Variants in SLC10A7 observed in about 807,000 individuals in gnomAD.
SLC10A7 encodes sodium/bile acid cotransporter 7.
In SLC10A7, 29 loss-of-function variants were observed where a neutral mutation model predicts 43.2. The observed-to-expected ratio is 0.67, with a 90% confidence interval of 0.50 to 0.92. The LOEUF (loss-of-function observed/expected upper bound fraction) is 0.92. Among genes scored for constraint, SLC10A7 ranks in the 40% least tolerant of loss-of-function variants. The pLI, the probability that SLC10A7 is intolerant of heterozygous loss-of-function variation, is 0.00. For missense variants in SLC10A7, 295 were observed against 403.2 expected, an observed-to-expected ratio of 0.73 and a Z score of 2.30; for synonymous variants, 152 against 144.8, an observed-to-expected ratio of 1.05 and a Z score of -0.35.
At chr4:146,484,526 GA>G (rs1393438459) in intron 4 of SLC10A7, among the ~76,000 whole-genome samples, 1 of 151,986 alleles carries the variant, frequency 6.6e-6, no homozygotes, top group African/African-American at 2.4e-5. Flanking sequence ...GAGAGATAGA[GA>G]AAAAAACAGT....
At chr4:146,512,029 G>A (rs149816153) in intron 2 of SLC10A7, among the ~76,000 whole-genome samples, 3,353 of 134,516 alleles carry the variant, frequency 0.025, 57 homozygotes, top group Middle Eastern at 0.098. Context: ...GCTGGAGTGC[G>A]ATGGTGCGAT....
At chr4:146,268,072 G>A (rs1439951721) in intron 10 of SLC10A7, among the ~76,000 whole-genome samples, 2 of 152,132 alleles carry the variant, frequency 1.3e-5, no homozygotes, top group African/African-American at 2.4e-5. Context: ...TCAGCCAAAC[G>A]TGCTGCACAA....
intron 6 of SLC10A7, among the ~76,000 whole-genome samples, chr4:146,319,020 C>T (rs753563145): frequency 1.3e-5 from 2 of 152,056 alleles, no homozygotes; most frequent in African/African-American, 2.4e-5. Flanking sequence ...CCATGGTCCC[C>T]TTACAATCTG....
At chr4:146,336,609 T>C (rs1032773498) in intron 5 of SLC10A7, among the ~76,000 whole-genome samples, 10 of 152,042 alleles carry the variant, frequency 6.6e-5, no homozygotes, top group African/African-American at 2.2e-4. Flanking sequence ...GATCCTATGA[T>C]GTAATTTGTC....
chr4:146,389,640 G>C (rs1738270588), intron 5 of SLC10A7, among the ~76,000 whole-genome samples: 1 of 152,196 alleles, frequency 6.6e-6, no homozygotes, highest in African/African-American at 2.4e-5. Flanking sequence ...CATTCCCAGA[G>C]AGAACTTCAT....
intron 4 of SLC10A7, among the ~76,000 whole-genome samples, chr4:146,469,568 T>G (rs1365339380): frequency 6.6e-6 from 1 of 152,230 alleles, no homozygotes; most frequent in Non-Finnish European, 1.5e-5. Flanking sequence ...TTGTAAGATA[T>G]GATCACCATC....
chr4:146,386,594 TC>T (rs1738014938), intron 5 of SLC10A7, among the ~76,000 whole-genome samples: 1 of 152,216 alleles, frequency 6.6e-6, no homozygotes, highest in Non-Finnish European at 1.5e-5. Flanking sequence ...TTCTGGCCCT[TC>T]AAAGGTACCT....
intron 4 of SLC10A7, among the ~76,000 whole-genome samples, chr4:146,490,998 G>A (rs556320284): frequency 6.6e-6 from 1 of 152,170 alleles, no homozygotes; most frequent in Non-Finnish European, 1.5e-5. Context: ...GATTGGTTGG[G>A]GAGCCAAATA....
chr4:146,506,011 C>T (rs969495960), intron 3 of SLC10A7, among the ~76,000 whole-genome samples: 3 of 152,172 alleles, frequency 2.0e-5, no homozygotes, highest in African/African-American at 7.2e-5. Flanking sequence ...ATCTAGGCCT[C>T]CCACTTCAGC....
chr4:146,487,564 T>C (rs1481431784), intron 4 of SLC10A7, among the ~76,000 whole-genome samples: 1 of 151,912 alleles, frequency 6.6e-6, no homozygotes, highest in Non-Finnish European at 1.5e-5. Flanking sequence ...ATTTATGGAG[T>C]TTTGTTGTTT....
chr4:146,415,571 T>C (rs1728504497), intron 5 of SLC10A7, among the ~76,000 whole-genome samples: 1 of 152,166 alleles, frequency 6.6e-6, no homozygotes, highest in Non-Finnish European at 1.5e-5. Context: ...ACCAGTCTCA[T>C]TGGAAATTCA....
intron 5 of SLC10A7, among the ~76,000 whole-genome samples, chr4:146,397,070 A>G (rs1738882741): frequency 6.6e-6 from 1 of 152,152 alleles, no homozygotes; most frequent in Non-Finnish European, 1.5e-5. Flanking sequence ...CAATCCCAGA[A>G]GTTTTTCTTT....
At chr4:146,310,833 C>T (rs780118885) in intron 6 of SLC10A7, among the ~76,000 whole-genome samples, 8 of 151,980 alleles carry the variant, frequency 5.3e-5, no homozygotes, top group Non-Finnish European at 7.4e-5. Flanking sequence ...AAAGCCCTCA[C>T]ACTTAACTCT....
At chr4:146,367,387 A>T (rs1038993642) in intron 5 of SLC10A7, among the ~76,000 whole-genome samples, 3 of 151,836 alleles carry the variant, frequency 2.0e-5, no homozygotes, top group Admixed American at 1.3e-4. Context: ...AAGCACTTGA[A>T]AGGTGGCTAG....
intron 5 of SLC10A7, among the ~76,000 whole-genome samples, chr4:146,377,690 G>C (rs1737301514): frequency 6.6e-6 from 1 of 152,140 alleles, no homozygotes; most frequent in African/African-American, 2.4e-5. Context: ...CTCTGTCCCA[G>C]GAACAAAGAG....
At chr4:146,433,011 G>C (rs1359147121) in intron 5 of SLC10A7, among the ~76,000 whole-genome samples, 2 of 149,480 alleles carry the variant, frequency 1.3e-5, no homozygotes, top group African/African-American at 4.9e-5. Flanking sequence ...GCACTCCAGC[G>C]TGGGTGACAG....
At chr4:146,420,415 T>C (rs1728881396) in intron 5 of SLC10A7, among the ~76,000 whole-genome samples, 1 of 152,182 alleles carries the variant, frequency 6.6e-6, no homozygotes, top group African/African-American at 2.4e-5. Flanking sequence ...ACTTGGTCAG[T>C]ATAAGTATCT....
intron 6 of SLC10A7, among the ~76,000 whole-genome samples, chr4:146,322,357 C>T (rs1732770471): frequency 6.9e-6 from 1 of 144,466 alleles, no homozygotes; most frequent in Non-Finnish European, 1.5e-5. Flanking sequence ...TCTCCTAATG[C>T]TATCCCTCCC....
At chr4:146,454,984 A>G (rs1436840699) in intron 4 of SLC10A7, among the ~76,000 whole-genome samples, 1 of 151,868 alleles carries the variant, frequency 6.6e-6, no homozygotes, top group Non-Finnish European at 1.5e-5. Context: ...AAAATGTTAT[A>G]TACTATTTGA....
Sources: allele counts gnomAD v4.1 joint callset (sites outside exome capture counted in the v4.1 genomes callset), GRCh38; gene constraint gnomAD v4.1.1; transcripts MANE v1.5; gene names NCBI Gene and HGNC (gene_info 2026-07-23, HGNC 2026-07-21).